The following CCDC169 variants were observed in gnomAD, a reference collection of about 807,000 sequenced individuals.
CCDC169 encodes the protein coiled-coil domain containing 169.
A neutral mutation model predicts 36.0 loss-of-function variants in CCDC169; 30 were observed. That is an observed-to-expected ratio of 0.83 (90% CI 0.62 to 1.13). The LOEUF (loss-of-function observed/expected upper bound fraction) is 1.13, where lower values mean the gene tolerates loss of function less well. Among genes scored for constraint, CCDC169 ranks in the 50% most tolerant of loss-of-function variants. CCDC169 has a pLI of 0.00. For missense variants in CCDC169, 245 were observed against 245.9 expected, an observed-to-expected ratio of 1.00 and a Z score of 0.03; for synonymous variants, 85 against 81.5, an observed-to-expected ratio of 1.04 and a Z score of -0.23.
chr13:36,230,668 C>T (rs752133706), downstream of CCDC169: 105 of 702,780 alleles, frequency 1.5e-4, no homozygotes, highest in Non-Finnish European at 1.8e-4. Context: ...CCCAAGATCT[C>T]CTAAGTTCAT....
chr13:36,278,630 C>G (rs533538059), intron 4 of CCDC169, among the ~76,000 whole-genome samples: 1 of 152,186 alleles, frequency 6.6e-6, no homozygotes, highest in South Asian at 2.1e-4. Flanking sequence ...AGTTGTCCCC[C>G]CATCCTTTCT....
intron 4 of CCDC169, chr13:36,283,032 G>A (rs1470659665): frequency 6.2e-6 from 1 of 161,690 alleles, no homozygotes; most frequent in Non-Finnish European, 1.3e-5. Context: ...AATGCCACAA[G>A]AGGGCGATAT....
Position 36,263,388 on chromosome 13 carries a change from T to C in CCDC169, c.316-9245A>G, listed in dbSNP as rs7996688. Among the ~76,000 whole-genome samples the C allele has an allele frequency of 1.3e-3, 196 of 152,290 alleles. 1 individual carries two copies. Among genetic ancestry groups the C allele is most frequent in the African/African-American group, 4.5e-3 (186 of 41,562 alleles). On this transcript the variant is annotated intron_variant, in intron 4 of 7. Transcript: ENST00000239859. The stretch of plus-strand genomic sequence containing the variant: ...TAGGTCACTAAATCTATTAAAAGAA[T>C]CATTCAAAGAAAAATGGAAGCAGCT...
At chr13:36,234,700 C>T (rs1361291309) in intron 7 of CCDC169, among the ~76,000 whole-genome samples, 6 of 152,080 alleles carry the variant, frequency 3.9e-5, no homozygotes, top group Admixed American at 2.6e-4. Context: ...AGGAAAAAGA[C>T]TTTCAACTAA....
rs1870365164 is a variant in CCDC169, at chr13:36,231,047, A to G, written c.*146T>C. ...ATTACTTTTATGCAGACAAAGGAAC[A>G]CACGTCTGGAAAAGGAACTAAAGAA... is the stretch of plus-strand genomic sequence containing the variant. On this transcript the variant is annotated 3_prime_UTR_variant, in exon 8 of 8. Transcript: ENST00000239859. 3 of 1,422,142 alleles carry G rather than the reference A, an allele frequency of 2.1e-6. No individual in the cohort carries two copies. Among genetic ancestry groups the G allele is most frequent in the Non-Finnish European group, 2.7e-6 (3 of 1,093,292 alleles). The allele number at this position is 1,422,142 out of a possible 1,614,324, so 88.1% of individuals were successfully genotyped here.
intron 4 of CCDC169, among the ~76,000 whole-genome samples, chr13:36,259,378 T>G (rs1874328141): frequency 6.6e-6 from 1 of 152,172 alleles, no homozygotes. Flanking sequence ...AAGTTCTTGG[T>G]GTATTGAACA....
chr13:36,229,206 G>A (rs185843234), downstream of CCDC169, among the ~76,000 whole-genome samples: 1 of 152,254 alleles, frequency 6.6e-6, no homozygotes, highest in East Asian at 1.9e-4. Flanking sequence ...GAGGATATGA[G>A]AAGTTATTTA....
At chr13:36,264,171 C>T (rs977016757) in intron 4 of CCDC169, among the ~76,000 whole-genome samples, 11 of 151,766 alleles carry the variant, frequency 7.2e-5, no homozygotes, top group African/African-American at 2.4e-4. Context: ...GAAATTCATA[C>T]CCAAAAAAAG....
chr13:36,255,729 C>T (rs2138486937), intron 4 of CCDC169, among the ~76,000 whole-genome samples: 1 of 151,140 alleles, frequency 6.6e-6, no homozygotes, highest in Non-Finnish European at 1.5e-5. Flanking sequence ...TTCTTTCCTT[C>T]TTTGGATTTC....
At chr13:36,285,622 C>CTAGATAGATAG (rs1555254475) in intron 2 of CCDC169, among the ~76,000 whole-genome samples, 71 of 19,278 alleles carry the variant, frequency 3.7e-3, no homozygotes, top group South Asian at 0.018. Flanking sequence ...TAGATAGATA[C>CTAGATAGATAG]ATAGATACAT....
intron 4 of CCDC169, among the ~76,000 whole-genome samples, chr13:36,272,315 T>G (rs1258481117): frequency 6.6e-6 from 1 of 151,900 alleles, no homozygotes; most frequent in African/African-American, 2.4e-5. Flanking sequence ...CAGCTAACAA[T>G]GGAGTCCCAT....
chr13:36,296,375 G>A (rs970507710), intron 1 of CCDC169, among the ~76,000 whole-genome samples: 10 of 152,186 alleles, frequency 6.6e-5, no homozygotes, highest in African/African-American at 2.2e-4. Flanking sequence ...TTACAGGCGT[G>A]AGCCACCAGG....
intron 4 of CCDC169, among the ~76,000 whole-genome samples, chr13:36,254,941 C>A (rs2138482646): frequency 6.6e-6 from 1 of 152,272 alleles, no homozygotes; most frequent in South Asian, 2.1e-4. Context: ...GGGGCCCTGG[C>A]ACTTCCAGGT....
chr13:36,230,490 A>G (rs140453096), downstream of CCDC169, among the ~76,000 whole-genome samples: 5 of 152,364 alleles, frequency 3.3e-5, no homozygotes, highest in African/African-American at 1.2e-4. Flanking sequence ...ATCACTATGA[A>G]TTACCACACA....
intron 6 of CCDC169, among the ~76,000 whole-genome samples, chr13:36,252,465 C>A (rs1269064096): frequency 2.0e-5 from 3 of 152,260 alleles, no homozygotes; most frequent in Middle Eastern, 3.4e-3. Context: ...CTTTCATTAT[C>A]CCTCTAGATA....
chr13:36,250,350 A>G (rs1167418726), intron 6 of CCDC169, among the ~76,000 whole-genome samples: 1 of 152,222 alleles, frequency 6.6e-6, no homozygotes, highest in Non-Finnish European at 1.5e-5. Flanking sequence ...AGGACCCTGC[A>G]GAGACCACAC....
At chr13:36,254,671 A>G (rs1170937) in intron 4 of CCDC169, among the ~76,000 whole-genome samples, 65,473 of 151,994 alleles carry the variant, frequency 0.43, 14,990 homozygotes, top group African/African-American at 0.58. Flanking sequence ...TTTTTTTCAT[A>G]TTAAACTATC....
chr13:36,243,177 C>A (rs535838415), intron 7 of CCDC169, among the ~76,000 whole-genome samples: 1 of 152,176 alleles, frequency 6.6e-6, no homozygotes, highest in African/African-American at 2.4e-5. Context: ...AGCCTTCCCC[C>A]ACAGGTGTTG....
downstream of CCDC169, among the ~76,000 whole-genome samples, chr13:36,229,092 C>T (rs750086989): frequency 2.6e-5 from 4 of 152,072 alleles, no homozygotes; most frequent in Non-Finnish European, 5.9e-5. Flanking sequence ...ATTCACATCC[C>T]TTCTAGTGGG....
Sources: allele counts gnomAD v4.1 joint callset (sites outside exome capture counted in the v4.1 genomes callset), GRCh38; gene constraint gnomAD v4.1.1; transcripts MANE v1.5; gene names NCBI Gene and HGNC (gene_info 2026-07-23, HGNC 2026-07-21).